Variants in MAP3K20 observed in about 807,000 individuals in gnomAD.
MAP3K20 encodes HCCS-4.
MAP3K20 carries 40 observed loss-of-function variants against 85.7 expected under a neutral mutation model. The ratio of observed to expected loss-of-function variants is 0.47; its 90% CI spans 0.36 to 0.61. MAP3K20 has a LOEUF of 0.61. Among genes scored for constraint, MAP3K20 ranks in the 20% least tolerant of loss-of-function variants. MAP3K20 has a pLI of 0.00. For synonymous variants in MAP3K20, 325 were observed against 327.7 expected, an observed-to-expected ratio of 0.99 and a Z score of 0.09; for missense variants, 817 against 961.7, an observed-to-expected ratio of 0.85 and a Z score of 1.99.
chr2:173,121,715 G>C (rs568070351), intron 2 of MAP3K20, among the ~76,000 whole-genome samples: 1 of 152,168 alleles, frequency 6.6e-6, no homozygotes, highest in African/African-American at 2.4e-5. Context: ...TAGGATACGT[G>C]TCTATTCCAT....
At chr2:173,176,404 A>C (rs1036639811) in intron 3 of MAP3K20, among the ~76,000 whole-genome samples, 1 of 152,164 alleles carries the variant, frequency 6.6e-6, no homozygotes, top group Non-Finnish European at 1.5e-5. Flanking sequence ...ATATCACAAC[A>C]ATAGCATAAA....
chr2:173,224,324 TG>T (rs1388345254), intron 11 of MAP3K20: 5 of 985,328 alleles, frequency 5.1e-6, no homozygotes. Flanking sequence ...CATTTAAGAA[TG>T]ATCAGCAATA....
chr2:173,225,444 A>C (rs1000158655), intron 11 of MAP3K20: 3 of 357,034 alleles, frequency 8.4e-6, no homozygotes, highest in Admixed American at 6.5e-5. Context: ...AAATACAAAA[A>C]TTGGCTGGGT....
chr2:173,083,409 A>G (rs889968899), intron 1 of MAP3K20, among the ~76,000 whole-genome samples: 6 of 151,772 alleles, frequency 4.0e-5, no homozygotes, highest in Non-Finnish European at 7.4e-5. Context: ...GCTGGAGTGC[A>G]GTGGCGTAAT....
At chr2:173,237,090 G>T (rs1684671582) in intron 14 of MAP3K20, among the ~76,000 whole-genome samples, 1 of 141,554 alleles carries the variant, frequency 7.1e-6, no homozygotes, top group Non-Finnish European at 1.5e-5. Context: ...GCAATGGTGC[G>T]ATCTTGGCTC....
chr2:173,264,802 C>G (rs1175761596), intron 19 of MAP3K20, among the ~76,000 whole-genome samples: 1 of 151,822 alleles, frequency 6.6e-6, no homozygotes, highest in East Asian at 1.9e-4. Context: ...GTCAAAGTCA[C>G]AGAAACAGGA....
At chr2:173,126,177 A>G (rs78730394) in intron 2 of MAP3K20, among the ~76,000 whole-genome samples, 3,062 of 152,170 alleles carry the variant, frequency 0.02, 55 homozygotes, top group Admixed American at 0.041. Flanking sequence ...ACTTTGTGTA[A>G]TGTTTTTGCC....
chr2:173,135,726 T>G (rs908667144), intron 2 of MAP3K20, among the ~76,000 whole-genome samples: 3 of 152,240 alleles, frequency 2.0e-5, no homozygotes, highest in South Asian at 2.1e-4. Context: ...CCAGTTATAT[T>G]TCTCTGAATT....
intron 15 of MAP3K20, among the ~76,000 whole-genome samples, chr2:173,238,786 T>C (rs1450277979): frequency 6.6e-6 from 1 of 152,212 alleles, no homozygotes; most frequent in Non-Finnish European, 1.5e-5. Flanking sequence ...GAGCGCTCGA[T>C]CGTCAACTTT....
intron 2 of MAP3K20, among the ~76,000 whole-genome samples, chr2:173,094,658 G>A (rs889256462): frequency 2.6e-5 from 4 of 152,104 alleles, no homozygotes; most frequent in African/African-American, 9.7e-5. Context: ...CTCATTTGGG[G>A]TTTATGTGAT....
intron 2 of MAP3K20, among the ~76,000 whole-genome samples, chr2:173,143,753 T>C (rs1272071182): frequency 6.6e-6 from 1 of 152,184 alleles, no homozygotes; most frequent in Non-Finnish European, 1.5e-5. Context: ...GCAGATTAAA[T>C]GATTGTTTAC....
intron 1 of MAP3K20, among the ~76,000 whole-genome samples, chr2:173,080,642 A>T (rs1322009743): frequency 6.6e-6 from 1 of 152,212 alleles, no homozygotes; most frequent in Non-Finnish European, 1.5e-5. Flanking sequence ...TTAGCGATTA[A>T]GTAATTAAGT....
intron 16 of MAP3K20, among the ~76,000 whole-genome samples, chr2:173,255,445 C>G (rs1685136474): frequency 6.6e-6 from 1 of 152,216 alleles, no homozygotes; most frequent in South Asian, 2.1e-4. Context: ...GTTCTTTAAT[C>G]TTTCTGAGCC....
At chr2:173,136,990 C>T (rs1688815687) in intron 2 of MAP3K20, among the ~76,000 whole-genome samples, 1 of 152,252 alleles carries the variant, frequency 6.6e-6, no homozygotes, top group East Asian at 1.9e-4. Context: ...TTGTTCTATC[C>T]TTTTCTTGCA....
At chr2:173,161,525 TA>T (rs1474298471) in intron 2 of MAP3K20, among the ~76,000 whole-genome samples, 7 of 152,324 alleles carry the variant, frequency 4.6e-5, no homozygotes, top group Middle Eastern at 6.8e-3. Flanking sequence ...ATTCATCCTT[TA>T]AATGTTAGTG....
chr2:173,216,113 G>A (rs1376075377), intron 10 of MAP3K20, among the ~76,000 whole-genome samples: 1 of 152,146 alleles, frequency 6.6e-6, no homozygotes, highest in East Asian at 1.9e-4. Context: ...CTTACTTAAA[G>A]GCTTTTCAGA....
intron 2 of MAP3K20, among the ~76,000 whole-genome samples, chr2:173,107,882 GCAGA>G (rs1687828906): frequency 6.6e-6 from 1 of 152,192 alleles, no homozygotes; most frequent in South Asian, 2.1e-4. Context: ...GATTTCAGCA[GCAGA>G]CAGTCGGAAC....
At chr2:173,247,569 C>T (rs1684946347) in intron 16 of MAP3K20, among the ~76,000 whole-genome samples, 1 of 152,182 alleles carries the variant, frequency 6.6e-6, no homozygotes, top group Non-Finnish European at 1.5e-5. Context: ...CATGTATGCA[C>T]ACATGAATTT....
chr2:173,110,544 A>G (rs886707573), intron 2 of MAP3K20, among the ~76,000 whole-genome samples: 1 of 151,906 alleles, frequency 6.6e-6, no homozygotes, highest in Non-Finnish European at 1.5e-5. Flanking sequence ...ACACTGCACC[A>G]TATTTGTAGT....
Sources: gnomAD v4.1 joint callset for allele counts (sites outside exome capture counted in the v4.1 genomes callset) on GRCh38, gnomAD v4.1.1 for gene constraint, MANE v1.5 for transcripts, NCBI Gene and HGNC (gene_info 2026-07-23, HGNC 2026-07-21) for gene names.